The following TGS1 variants were observed in gnomAD, a reference collection of about 807,000 sequenced individuals.
TGS1 encodes the protein trimethylguanosine synthase.
TGS1 carries 69 observed loss-of-function variants against 92.2 expected under a neutral mutation model. The observed-to-expected ratio is 0.75, with a 90% confidence interval of 0.62 to 0.91. TGS1 has a LOEUF of 0.91. TGS1 is among the 40% of genes least tolerant of loss of function. TGS1 has a pLI of 0.00. For synonymous variants in TGS1, 345 were observed against 338.1 expected (o/e 1.02, Z -0.22); for missense variants, 1,062 against 1,001.2 (o/e 1.06, Z -0.82).
chr8:55,817,786 A>G (rs1410395861), intron 12 of TGS1, among the ~76,000 whole-genome samples: 1 of 152,238 alleles, frequency 6.6e-6, no homozygotes, highest in East Asian at 1.9e-4. Context: ...ACATGTTGGA[A>G]TAGTAGACTC....
chr8:55,822,364 C>A (rs907176136), intron 12 of TGS1, among the ~76,000 whole-genome samples: 7 of 152,016 alleles, frequency 4.6e-5, no homozygotes, highest in Non-Finnish European at 8.8e-5. Flanking sequence ...GCCACAGCGC[C>A]CGGCCTAAAA....
chr8:55,811,319 T>G (rs1460389378), intron 11 of TGS1, among the ~76,000 whole-genome samples: 1 of 150,758 alleles, frequency 6.6e-6, no homozygotes, highest in Non-Finnish European at 1.5e-5. Context: ...AAAAATTAGC[T>G]GGGCATGGTG....
intron 10 of TGS1, among the ~76,000 whole-genome samples, chr8:55,809,542 TCTC>T (rs1219330707): frequency 6.6e-6 from 1 of 151,592 alleles, no homozygotes; most frequent in African/African-American, 2.4e-5. Flanking sequence ...CTCACTGCAA[TCTC>T]CTCCTCCCAG....
intron 1 of TGS1, among the ~76,000 whole-genome samples, chr8:55,780,570 A>G (rs1306197089): frequency 6.6e-6 from 1 of 152,110 alleles, no homozygotes; most frequent in Non-Finnish European, 1.5e-5. Context: ...TGTATTAATC[A>G]GTATTTTGTG....
intron 1 of TGS1, among the ~76,000 whole-genome samples, chr8:55,781,189 C>G (rs1811551323): frequency 6.6e-6 from 1 of 152,036 alleles, no homozygotes; most frequent in Non-Finnish European, 1.5e-5. Context: ...ACATATGTAA[C>G]ACTTTTAAAA....
intron 1 of TGS1, among the ~76,000 whole-genome samples, chr8:55,777,839 C>T (rs1378602984): frequency 2.0e-4 from 31 of 152,126 alleles, no homozygotes; most frequent in Admixed American, 2.0e-3. Flanking sequence ...ATGTTGATTA[C>T]TATCGCAATT....
chr8:55,821,149 T>A (rs1262549612), intron 12 of TGS1, among the ~76,000 whole-genome samples: 1 of 151,800 alleles, frequency 6.6e-6, no homozygotes, highest in Non-Finnish European at 1.5e-5. Context: ...GTTAAGTTTT[T>A]AAAAAAAAAT....
intron 10 of TGS1, 95 bp downstream of exon 10, chr8:55,805,131 T>A (rs964594762): frequency 1.2e-6 from 1 of 842,756 alleles, no homozygotes; most frequent in Non-Finnish European, 1.7e-6. Flanking sequence ...AGATTTAATA[T>A]ATAATTAATA....
intron 12 of TGS1, among the ~76,000 whole-genome samples, chr8:55,814,169 A>G (rs1482050221): frequency 6.6e-6 from 1 of 152,030 alleles, no homozygotes; most frequent in Non-Finnish European, 1.5e-5. Flanking sequence ...ACTGGTCTCA[A>G]AATTAAAGGC....
At chr8:55,801,411 G>A (rs1006828716) in intron 8 of TGS1, among the ~76,000 whole-genome samples, 1 of 144,682 alleles carries the variant, frequency 6.9e-6, no homozygotes, top group East Asian at 2.1e-4. Flanking sequence ...GCTGGGATTA[G>A]AGGCACCTGC....
chr8:55,824,562 C>A lies in TGS1; in HGVS notation c.2440-19C>A. 6.2e-7 allele frequency: 1 copy of A among 1,613,912 alleles called. No individual in the cohort carries two copies. The highest frequency in any genetic ancestry group is 8.5e-7 in the Non-Finnish European group (1 of 1,179,928). ...TATGCTTAGGTGTGTGTGTGACTTT[C>A]TTCTGTTCATCTTTTTAGGTGGCAT... On this transcript the variant is annotated intron_variant, in intron 12 of 12. Transcript: ENST00000260129.
In TGS1 at chr8:55,813,123, G is replaced by A. The variant is rs762573034; in HGVS notation, c.2439+5G>A. On this transcript the variant is annotated splice_donor_5th_base_variant and intron_variant, in intron 12 of 12. Coordinates refer to ENST00000260129, the MANE Select transcript of TGS1 (RefSeq NM_024831.8). ...AGAAATGCTGATATTGACCAGGTAA[G>A]CCATTACTGAAAAACTTCCATGAGT... 5.6e-6 allele frequency: 9 copies of A among 1,599,224 alleles called. No individual in the cohort carries two copies. The African/African-American group carries it at 1.2e-4, about 21-fold the overall frequency.
At chr8:55,775,615 G>A (rs761251023) in intron 1 of TGS1, among the ~76,000 whole-genome samples, 1 of 152,140 alleles carries the variant, frequency 6.6e-6, no homozygotes, top group Non-Finnish European at 1.5e-5. Flanking sequence ...ATTTTATTTT[G>A]GGTCAACGGA....
Position 55,799,131 on chromosome 8 carries a change from A to C in TGS1, c.1760A>C (p.Tyr587Ser). ...SSAGELETEN[Y>S]ERDSLLATVP... ...GCTGGTGAACTTGAAACAGAAAACTATGAAAGAGACAGCTTGCTAGCAACT... is the reference window on the plus strand; with the variant it reads ...GCTGGTGAACTTGAAACAGAAAACTCTGAAAGAGACAGCTTGCTAGCAACT... Residue 587 changes from tyrosine (Y) to serine (S), a missense_variant, in exon 8 of 13, where the codon TAT becomes TCT. By Grantham distance (144) the Tyr-to-Ser change is moderately radical. Transcript: ENST00000260129. 1 of 1,614,176 alleles carries C rather than the reference A, an allele frequency of 6.2e-7. No homozygotes were observed. Among genetic ancestry groups the C allele is most frequent in the Non-Finnish European group, 8.5e-7 (1 of 1,180,020 alleles).
chr8:55,826,400 A>C lies in TGS1; in HGVS notation c.*1697A>C, dbSNP rs1803793438. Among the ~76,000 whole-genome samples, 1 of 152,210 alleles carries C rather than the reference A, an allele frequency of 6.6e-6. No individual in the cohort carries two copies. The highest frequency in any genetic ancestry group is 1.5e-5 in the Non-Finnish European group (1 of 68,044). ...AGATATTGCTGCCCACTAATCACAC[A>C]GGGATAAAACTAATAGACTGTTAAG... On this transcript the variant is annotated 3_prime_UTR_variant, in exon 13 of 13. Transcript: ENST00000260129.
At chr8:55,778,827 A>G (rs1205692433) in intron 1 of TGS1, among the ~76,000 whole-genome samples, 1 of 152,212 alleles carries the variant, frequency 6.6e-6, no homozygotes, top group Non-Finnish European at 1.5e-5. Context: ...TACTTCAGAT[A>G]TTGCTAAGAA....
chr8:55,787,769 C>T lies in TGS1; in HGVS notation c.1162+709C>T, dbSNP rs185935549. 3.1e-3 allele frequency among the ~76,000 whole-genome samples: 470 copies of T among 152,256 alleles called. 5 individuals carry two copies. Among genetic ancestry groups the T allele is most frequent in the African/African-American group, 0.01 (417 of 41,526 alleles). On this transcript the variant is annotated intron_variant, in intron 4 of 12. Transcript: ENST00000260129. ...TAAAGAAAAGAGGTTTATTTTGGCTCACAGTTTTGCAGGCTGTACAGGAAG... is the reference window on the plus strand; with the variant it reads ...TAAAGAAAAGAGGTTTATTTTGGCTTACAGTTTTGCAGGCTGTACAGGAAG...
At chr8:55,803,516 A>G (rs1408690876) in intron 9 of TGS1, among the ~76,000 whole-genome samples, 1 of 152,176 alleles carries the variant, frequency 6.6e-6, no homozygotes, top group African/African-American at 2.4e-5. Context: ...GTACGTAGGA[A>G]TTTGTAAGGA....
chr8:55,824,693 C>T lies in TGS1; in HGVS notation c.2552C>T (p.Ser851Phe). Residue 851 changes from serine to phenylalanine, a missense_variant, in exon 13 of 13, where the codon TCT becomes TTT. Ser to Phe is a radical substitution (Grantham distance 155). Coordinates refer to ENST00000260129, the MANE Select transcript of TGS1 (RefSeq NM_024831.8). The stretch of plus-strand genomic sequence containing the variant: ...GGTGACCTAATTCGAAGACCAGCCT[C>T]TGAAACCTAACTATGCAGCAGTGCG... Reference protein sequence around the residue: ...YFGDLIRRPASET With the variant: ...YFGDLIRRPAFET The T allele has an allele frequency of 6.2e-7, 1 of 1,614,174 alleles. No homozygotes were observed. Among genetic ancestry groups the T allele is most frequent in the Non-Finnish European group, 8.5e-7 (1 of 1,180,030 alleles).
Sources: allele counts gnomAD v4.1 joint callset (sites outside exome capture counted in the v4.1 genomes callset), GRCh38; gene constraint gnomAD v4.1.1; transcripts MANE v1.5; gene names NCBI Gene and HGNC (gene_info 2026-07-23, HGNC 2026-07-21).